The following PSD variants were observed in gnomAD, a reference collection of about 807,000 sequenced individuals.
PSD encodes pleckstrin and Sec7 domain containing, also known as PH and SEC7 domain-containing protein 1.
Under a neutral mutation model 91.6 loss-of-function variants are expected in PSD, and 32 were observed. That is an observed-to-expected ratio of 0.35 (90% CI 0.26 to 0.47). The LOEUF is 0.47. Ranked by LOEUF, PSD falls within the 20% of genes least tolerant of loss-of-function variation. The pLI is 1.00. For missense variants in PSD, 1,099 were observed against 1,373.9 expected (o/e 0.80, Z 3.16); for synonymous variants, 532 against 569.3 (o/e 0.93, Z 0.93).
At chr10:102,406,447 C>T (rs1252604017) in intron 11 of PSD, among the ~76,000 whole-genome samples, 1 of 152,188 alleles carries the variant, frequency 6.6e-6, no homozygotes, top group African/African-American at 2.4e-5. Context: ...GGATTTCTTC[C>T]CTCAGACTAG....
chr10:102,415,245 G>A lies in PSD; in HGVS notation c.758-16C>T. 1 of 1,584,418 alleles carries A rather than the reference G, an allele frequency of 6.3e-7. No homozygotes were observed. The highest frequency in any genetic ancestry group is 1.3e-5 in the African/African-American group (1 of 74,512). On this transcript the variant is annotated splice_polypyrimidine_tract_variant and intron_variant, in intron 3 of 16. Coordinates refer to ENST00000020673, the MANE Select transcript of PSD (RefSeq NM_002779.5). ...GGCTTAGCACCTGTAGTGTGCATAG[G>A]CATCCAGGTCAGGAGGTTATCCACG...
chr10:102,411,632 G>T, intron 8 of PSD, 75 bp downstream of exon 8: 2 of 1,088,664 alleles, frequency 1.8e-6, no homozygotes, highest in Non-Finnish European at 1.4e-6. Context: ...TCATGCTCCT[G>T]TACACACACA....
intron 3 of PSD, among the ~76,000 whole-genome samples, 153 bp downstream of exon 3, chr10:102,415,864 G>A (rs1389821316): frequency 3.3e-5 from 5 of 152,140 alleles, no homozygotes; most frequent in Admixed American, 6.5e-5. Flanking sequence ...CCATCATAGC[G>A]CAGATGGAAA....
chr10:102,416,507 G>T lies in PSD; in HGVS notation c.532C>A (p.Pro178Thr). 6.2e-7 allele frequency: 1 copy of T among 1,613,018 alleles called. No homozygotes were observed. Among genetic ancestry groups the T allele is most frequent in the Non-Finnish European group, 8.5e-7 (1 of 1,179,554 alleles). ...TCTGCTCCAACCTGGGGTGGGGCTGGCGGCCCATGTACAAGGTTCCGGCTG... is the reference window on the plus strand; with the variant it reads ...TCTGCTCCAACCTGGGGTGGGGCTGTCGGCCCATGTACAAGGTTCCGGCTG... ...PGSRNLVHGPPAPPQVGADGL... is the reference protein window; with the variant it reads ...PGSRNLVHGPTAPPQVGADGL... The change falls in exon 2 of 17, where the codon CCA becomes ACA. Residue 178 changes from proline (P) to threonine (T), a missense_variant. Around this residue, in one of 3 missense-constraint regions of PSD, gnomAD observed 631 missense variants for 728.8 expected, o/e 0.87. Coordinates refer to ENST00000020673, the MANE Select transcript of PSD (RefSeq NM_002779.5). This position sits in a 1 kb window ranked among gnomAD's most constrained non-coding sequence, Gnocchi z 6.0.
Position 102,417,059 on chromosome 10 carries a change from T to A in PSD, c.-21A>T. 1 of 1,052,490 alleles carries A rather than the reference T, an allele frequency of 9.5e-7. No homozygotes were observed. The allele number at this position is 1,052,490 out of a possible 1,614,324, so 65.2% of individuals were successfully genotyped here. On this transcript the variant is annotated 5_prime_UTR_variant, in exon 2 of 17. Transcript: ENST00000020673. ...GCCATGCTGGGGCCGGGGGTCAGGCTGGGGGGGCAGGGATGGCGAGGCCAG... is the reference window on the plus strand; with the variant it reads ...GCCATGCTGGGGCCGGGGGTCAGGCAGGGGGGGCAGGGATGGCGAGGCCAG...
intron 5 of PSD, 59 bp from the exon 6 acceptor site, chr10:102,412,634 C>A: frequency 7.0e-7 from 1 of 1,431,124 alleles, no homozygotes. Flanking sequence ...CATCCAGACC[C>A]TCCTTCTGCC....
chr10:102,411,554 C>T (rs950087757), intron 8 of PSD, among the ~76,000 whole-genome samples, 153 bp downstream of exon 8: 3 of 152,220 alleles, frequency 2.0e-5, no homozygotes, highest in Non-Finnish European at 2.9e-5. Flanking sequence ...GCCATGACAG[C>T]GCTGTCTGCA....
intron 8 of PSD, 27 bp from the exon 9 acceptor site, chr10:102,411,143 G>A: frequency 1.3e-6 from 2 of 1,587,938 alleles, no homozygotes; most frequent in Non-Finnish European, 1.7e-6. Context: ...TTTCAGCCTT[G>A]GCTGCCTCCC....
In PSD at chr10:102,403,859, C is replaced by T; in HGVS notation, c.2827G>A (p.Ala943Thr). 1.2e-6 allele frequency: 2 copies of T among 1,611,106 alleles called. No homozygotes were observed. The highest frequency in any genetic ancestry group is 2.2e-5 in the East Asian group (1 of 44,826). The change falls in exon 16 of 17, where the codon GCC (alanine) becomes ACC (threonine). Residue 943 changes from alanine (A) to threonine (T), a missense_variant. Transcript: ENST00000020673. This position sits in a 1 kb window ranked among gnomAD's most constrained non-coding sequence, Gnocchi z 6.7. ...AGGCTCACCTCAAACTCCAGGTAGG[C>T]CTCCTTCTGCCGCTGCTCTTCAGCC... ...KEAEEQRQKE[A>T]YLEFEKSRYS... is the part of the protein sequence containing the mutation.
Position 102,416,133 on chromosome 10 carries a change from G to A in PSD, c.655-14C>T. The A allele has an allele frequency of 6.3e-7, 1 of 1,583,736 alleles. No individual in the cohort carries two copies. The highest frequency in any genetic ancestry group is 8.7e-7 in the Non-Finnish European group (1 of 1,154,732). The stretch of plus-strand genomic sequence containing the variant: ...CCAGGTATCCCCCTGAGCCAACGAG[G>A]GAGACACAGGCACCCAGAGATAAAG... On this transcript the variant is annotated splice_polypyrimidine_tract_variant and intron_variant, in intron 2 of 16. Transcript: ENST00000020673. The surrounding 1 kb of genome is among the most constrained non-coding windows in gnomAD (Gnocchi z 6.0).
rs1172705214 is a variant in PSD at position 102,416,989 on chromosome 10, G to C, written c.50C>G (p.Ser17Cys). Residue 17 changes from serine (S) to cysteine (C), a missense_variant, in exon 2 of 17, where the codon TCC becomes TGC. Physicochemically the swap from Ser to Cys is moderately radical, Grantham distance 112 (BLOSUM62 -1). Coordinates refer to ENST00000020673, the MANE Select transcript of PSD (RefSeq NM_002779.5). The surrounding 1 kb of genome is among the most constrained non-coding windows in gnomAD (Gnocchi z 6.0). ...CCAGCGGCGTGGGCATCGTGGTGGG[G>C]AGATGGCACAGTCGCCTTCCGAGCA... ...RFCSEGDCAISPPRCPRRWLP... is the reference protein window; with the variant it reads ...RFCSEGDCAICPPRCPRRWLP... 1 of 1,597,802 alleles carries C rather than the reference G, an allele frequency of 6.3e-7. No homozygotes were observed. The highest frequency in any genetic ancestry group is 1.1e-5 in the South Asian group (1 of 90,882).
In PSD at chr10:102,411,050, C is replaced by T. The variant is rs770987522; in HGVS notation, c.2001+8G>A. Reference sequence around the variant, plus strand: ...TTTTCCGGCTCCTGCCCGCCCGCCTCCACTCACATGGCCGTGGAGATCCGT... The same window carrying T: ...TTTTCCGGCTCCTGCCCGCCCGCCTTCACTCACATGGCCGTGGAGATCCGT... On this transcript the variant is annotated splice_region_variant and intron_variant, in intron 9 of 16. Transcript: ENST00000020673. 1 of 1,613,128 alleles carries T rather than the reference C, an allele frequency of 6.2e-7. No homozygotes were observed. Among genetic ancestry groups the T allele is most frequent in the South Asian group, 1.1e-5 (1 of 91,064 alleles).
chr10:102,402,764 A>G lies in PSD; in HGVS notation c.*436T>C, dbSNP rs946973706. 3 of 258,366 alleles carry G rather than the reference A, an allele frequency of 1.2e-5. No individual in the cohort carries two copies. Among genetic ancestry groups the G allele is most frequent in the African/African-American group, 2.2e-5 (1 of 45,060 alleles). 16.0% of individuals were successfully genotyped at this position (258,366 alleles called of 1,614,324 possible). The stretch of plus-strand genomic sequence containing the variant: ...TTCCTCCACCTCCAGCAAGAGAAAG[A>G]GTAAGCCCTTGGGGAGGAAGGAGGG... On this transcript the variant is annotated 3_prime_UTR_variant, in exon 17 of 17. Transcript: ENST00000020673.
rs1444286722 is a variant in PSD, at chr10:102,403,177, C to T, written c.*23G>A. The T allele has an allele frequency of 6.8e-7, 1 of 1,468,244 alleles. No individual in the cohort carries two copies. Among genetic ancestry groups the T allele is most frequent in the Non-Finnish European group, 9.1e-7 (1 of 1,102,288 alleles). The allele number at this position is 1,468,244 out of a possible 1,614,324, so 91.0% of individuals were successfully genotyped here. A position where few individuals can be genotyped will look rare whatever the true frequency, so the allele number is the denominator to read the frequency against. ...TGTCATCCTTCAGGTGCCCAGCAGG[C>T]ACTCCCCACCCTAAACCTCATCTCA... is the stretch of plus-strand genomic sequence containing the variant. On this transcript the variant is annotated 3_prime_UTR_variant, in exon 17 of 17. Transcript: ENST00000020673. This position sits in a 1 kb window ranked among gnomAD's most constrained non-coding sequence, Gnocchi z 6.7.
Position 102,414,072 on chromosome 10 carries a change from C to T in PSD, c.1250G>A (p.Gly417Asp), listed in dbSNP as rs779190300. The T allele has an allele frequency of 4.3e-6, 7 of 1,613,992 alleles. No homozygotes were observed. In the South Asian group the frequency reaches 5.5e-5, roughly 13 times the overall value. The change falls in exon 5 of 17, where the codon GGC becomes GAC. Residue 417 changes from glycine to aspartate, a missense_variant. Physicochemically the swap from Gly to Asp is moderately conservative, Grantham distance 94. This residue lies in a region of PSD where 631 missense variants were observed against 728.8 expected (regional missense o/e 0.87). Transcript: ENST00000020673. This position sits in a 1 kb window ranked among gnomAD's most constrained non-coding sequence, Gnocchi z 5.6. ...EAILESHRAK[G>D]TSYTSLASLE... ...CGAGGCGAGGCTGGTATAGGAGGTG[C>T]CTTTGGCCCGGTGTGACTCCAGGAT...
In PSD at chr10:102,414,816, G is replaced by A. The variant is rs753769104; in HGVS notation, c.1124+47C>T. ...TCTGCCTGTGGGCCAGTGCGAAGGA[G>A]CAAGCCGCTTCCCTCTCCCACTTCC... On this transcript the variant is annotated intron_variant, in intron 4 of 16. Transcript: ENST00000020673. The surrounding 1 kb of genome is among the most constrained non-coding windows in gnomAD (Gnocchi z 5.6). The A allele has an allele frequency of 1.3e-6, 2 of 1,486,158 alleles. No individual in the cohort carries two copies. Among genetic ancestry groups the A allele is most frequent in the African/African-American group, 1.4e-5 (1 of 71,384 alleles). The allele number at this position is 1,486,158 out of a possible 1,614,324, so 92.1% of individuals were successfully genotyped here.
At position 102,404,524 on chromosome 10, in the gene PSD, T is replaced by C; in HGVS notation, c.2700+59A>G. ...TCACACGCAGCAGCCTTGAGTGCAG[T>C]GGGCCTGAGCCTAACACCCTCCATC... On this transcript the variant is annotated intron_variant, in intron 15 of 16. Transcript: ENST00000020673. This position sits in a 1 kb window ranked among gnomAD's most constrained non-coding sequence, Gnocchi z 5.7. The C allele has an allele frequency of 6.4e-7, 1 of 1,561,012 alleles. No homozygotes were observed. The highest frequency in any genetic ancestry group is 1.2e-5 in the South Asian group (1 of 83,704).
In PSD at chr10:102,417,028, C is replaced by G. The variant is rs2135461967; in HGVS notation, c.11G>C (p.Gly4Ala). Residue 4 changes from glycine to alanine, a missense_variant, in exon 2 of 17, where the codon GGT becomes GCT. Coordinates refer to ENST00000020673, the MANE Select transcript of PSD (RefSeq NM_002779.5). MAQGAMRFCSEGDC... is the reference protein window; with the variant it reads MAQAAMRFCSEGDC... ...GCCTTCCGAGCAGAAGCGCATGGCA[C>G]CCTGGGCCATGCTGGGGCCGGGGGT... The G allele has an allele frequency of 1.3e-6, 2 of 1,565,922 alleles. No homozygotes were observed. The highest frequency in any genetic ancestry group is 4.7e-5 in the East Asian group (2 of 42,490).
chr10:102,419,801 C>G (rs2061536245), upstream of PSD: 1 of 172,214 alleles, frequency 5.8e-6, no homozygotes, highest in Non-Finnish European at 1.3e-5. This position sits in a 1 kb window ranked among gnomAD's most constrained non-coding sequence, Gnocchi z 4.8. Context: ...GTGGCTCTAT[C>G]TTTGCAGGGG....
Sources: allele counts gnomAD v4.1 joint callset (sites outside exome capture counted in the v4.1 genomes callset), GRCh38; gene constraint gnomAD v4.1.1; regional missense constraint gnomAD v4.1.1; non-coding constraint Gnocchi (gnomAD v3.1); transcripts MANE v1.5; gene names NCBI Gene and HGNC (gene_info 2026-07-23, HGNC 2026-07-21).